WDPCP: variants seen among roughly 807,000 people sequenced by gnomAD.
WDPCP encodes WD repeat containing planar cell polarity effector.
In WDPCP, 71 loss-of-function variants were observed where a neutral mutation model predicts 93.1. That is an observed-to-expected ratio of 0.76 (90% CI 0.63 to 0.93). WDPCP has a LOEUF of 0.93. Among genes scored for constraint, WDPCP ranks in the 40% least tolerant of loss-of-function variants. The probability of loss-of-function intolerance (pLI) is 0.00; values close to 1 mark genes in which losing one functional copy is unlikely to be tolerated. For synonymous variants in WDPCP, 315 were observed against 315.0 expected (o/e 1.00, Z 0.00); for missense variants, 844 against 887.4 (o/e 0.95, Z 0.62).
rs1709761807 is a variant in WDPCP at position 63,622,839 on chromosome 2, GC to G, written n.488+27819del. 5.6e-6 allele frequency: 9 copies of G among 1,603,114 alleles called. No individual in the cohort carries two copies. The East Asian group carries it at 2.0e-4, about 36-fold the overall frequency. On this transcript the variant is annotated intron_variant and non_coding_transcript_variant, in intron 3 of 4. Transcript: ENST00000467687. Reference sequence around the variant, plus strand: ...CAGGAAATACTTAACCATCGTCCTGGCCGAAGTGGGCTCAGCACCCGCGCAG... The same window carrying G: ...CAGGAAATACTTAACCATCGTCCTGGCGAAGTGGGCTCAGCACCCGCGCAG...
chr2:63,511,430 G>A (rs557698727), intron 1 of WDPCP, among the ~76,000 whole-genome samples: 13 of 152,226 alleles, frequency 8.5e-5, no homozygotes, highest in Admixed American at 1.3e-4. Context: ...AAAAGAGCCC[G>A]TAGAGCCAAG....
chr2:63,389,947 G>A (rs1693080707), intron 10 of WDPCP, among the ~76,000 whole-genome samples: 1 of 152,034 alleles, frequency 6.6e-6, no homozygotes, highest in Non-Finnish European at 1.5e-5. Flanking sequence ...AATAATAATG[G>A]GAGACTTTAA....
At chr2:63,740,692 G>A (rs1669700152) in intron 2 of WDPCP, among the ~76,000 whole-genome samples, 1 of 152,132 alleles carries the variant, frequency 6.6e-6, no homozygotes. Context: ...ACAGGCAGTT[G>A]TTATTTGTAG....
chr2:63,212,807 A>AT (rs1676948271), intron 14 of WDPCP, among the ~76,000 whole-genome samples: 1 of 151,438 alleles, frequency 6.6e-6, no homozygotes, highest in Admixed American at 6.6e-5. Flanking sequence ...AAAAAAAAAA[A>AT]GCAGGGGTTG....
intron 14 of WDPCP, among the ~76,000 whole-genome samples, chr2:63,222,613 T>A (rs1036259473): frequency 6.6e-6 from 1 of 152,206 alleles, no homozygotes; most frequent in African/African-American, 2.4e-5. Flanking sequence ...GTAGGTAGTT[T>A]GCAGACTATG....
intron 13 of WDPCP, among the ~76,000 whole-genome samples, chr2:63,306,186 C>T (rs889622213): frequency 2.6e-5 from 4 of 152,134 alleles, no homozygotes; most frequent in Non-Finnish European, 2.9e-5. Flanking sequence ...CAAGACTAAA[C>T]CAGGAAGAAG....
intron 13 of WDPCP, among the ~76,000 whole-genome samples, chr2:63,280,162 T>A (rs149684376): frequency 6.6e-6 from 1 of 152,138 alleles, no homozygotes; most frequent in African/African-American, 2.4e-5. Flanking sequence ...TATTAGTTCA[T>A]TTGCATGCTG....
intron 9 of WDPCP, among the ~76,000 whole-genome samples, chr2:63,406,565 C>T (rs1331737705): frequency 6.6e-6 from 1 of 152,130 alleles, no homozygotes; most frequent in Non-Finnish European, 1.5e-5. Flanking sequence ...AAGAGAAAAG[C>T]TTAACGATTT....
In WDPCP at chr2:63,409,816, G is replaced by A. The variant is rs1459310036; in HGVS notation, c.826-5159C>T. Among the ~76,000 whole-genome samples, 20 of 152,006 alleles carry A rather than the reference G, an allele frequency of 1.3e-4. 1 individual carries two copies. The highest frequency in any genetic ancestry group is 1.3e-3 in the Admixed American group (20 of 15,256). The stretch of plus-strand genomic sequence containing the variant: ...AAGAAATTCAGAGCTGGAAGACAAA[G>A]TCTTCCAACAAAGGCAAAGAAAAAA... On this transcript the variant is annotated intron_variant, in intron 9 of 17. Coordinates refer to ENST00000272321, the MANE Select transcript of WDPCP (RefSeq NM_015910.7).
chr2:63,412,254 C>T (rs1695073470), intron 9 of WDPCP, among the ~76,000 whole-genome samples: 1 of 152,122 alleles, frequency 6.6e-6, no homozygotes, highest in South Asian at 2.1e-4. Context: ...TGATATACCA[C>T]ATAAACAGAA....
chr2:63,683,547 C>T (rs766962267), intron 2 of WDPCP, among the ~76,000 whole-genome samples: 1 of 151,904 alleles, frequency 6.6e-6, no homozygotes, highest in Non-Finnish European at 1.5e-5. Context: ...GATTTCAAGA[C>T]AAAAGCTATA....
chr2:63,588,394 G>GT lies in WDPCP; in HGVS notation c.-124dup, dbSNP rs1709031693. On this transcript the variant is annotated 5_prime_UTR_variant, in exon 1 of 18. Transcript: ENST00000272321. ...GCCGCCGCCGCCACAGTTTCCTCAG[G>GT]TGCTACAAAGCAGCCAGGGTGTGCG... The GT allele has an allele frequency of 8.6e-7, 1 of 1,160,018 alleles. No homozygotes were observed. The highest frequency in any genetic ancestry group is 1.3e-6 in the Non-Finnish European group (1 of 790,458). The allele number at this position is 1,160,018 out of a possible 1,614,324, so 71.9% of individuals were successfully genotyped here. A position where few individuals can be genotyped will look rare whatever the true frequency, so the allele number is the denominator to read the frequency against.
intron 6 of WDPCP, among the ~76,000 whole-genome samples, chr2:63,444,963 A>C (rs1212807571): frequency 6.6e-6 from 1 of 152,196 alleles, no homozygotes; most frequent in Non-Finnish European, 1.5e-5. Context: ...AAACTCAGAA[A>C]TGATTCTCAC....
intron 1 of WDPCP, among the ~76,000 whole-genome samples, chr2:63,823,208 A>C (rs1239390340): frequency 2.0e-5 from 3 of 151,536 alleles, no homozygotes; most frequent in South Asian, 2.1e-4. Flanking sequence ...CCAAAAAAAA[A>C]AAAAAACAAA....
chr2:63,797,095 A>T (rs1187557857), intron 2 of WDPCP, among the ~76,000 whole-genome samples: 1 of 152,190 alleles, frequency 6.6e-6, no homozygotes, highest in Non-Finnish European at 1.5e-5. Flanking sequence ...AGAAGGGAAC[A>T]TGCTGCCTTG....
chr2:63,780,098 A>G (rs1670364869), intron 2 of WDPCP, among the ~76,000 whole-genome samples: 1 of 152,094 alleles, frequency 6.6e-6, no homozygotes, highest in Admixed American at 6.6e-5. Context: ...GCTGTTTTGT[A>G]AACTCCCAGC....
At chr2:63,601,831 A>C (rs952521476) in intron 3 of WDPCP, among the ~76,000 whole-genome samples, 12 of 152,240 alleles carry the variant, frequency 7.9e-5, no homozygotes, top group African/African-American at 2.7e-4. Flanking sequence ...TCCTGGTAAT[A>C]TATATCTTGA....
chr2:63,292,755 C>T (rs1160643193), intron 13 of WDPCP, among the ~76,000 whole-genome samples: 1 of 152,196 alleles, frequency 6.6e-6, no homozygotes, highest in East Asian at 1.9e-4. Flanking sequence ...TAGAAAGCAC[C>T]AGGAATCTGG....
At chr2:63,313,124 G>C in intron 13 of WDPCP, 124 bp downstream of exon 13, 1 of 843,604 alleles carries the variant, frequency 1.2e-6, no homozygotes, top group Middle Eastern at 2.2e-4. Context: ...AAGTCAAGAT[G>C]GAATAATGCT....
Sources: allele counts gnomAD v4.1 joint callset (sites outside exome capture counted in the v4.1 genomes callset), GRCh38; gene constraint gnomAD v4.1.1; transcripts MANE v1.5; gene names NCBI Gene and HGNC (gene_info 2026-07-23, HGNC 2026-07-21).